TMPRSS9: variants seen among roughly 807,000 people sequenced by gnomAD.
TMPRSS9 encodes the protein transmembrane serine protease 9.
A neutral mutation model predicts 111.4 loss-of-function variants in TMPRSS9; 113 were observed. The ratio of observed to expected loss-of-function variants is 1.01; its 90% confidence interval spans 0.87 to 1.19. The LOEUF (loss-of-function observed/expected upper bound fraction) is 1.19, where lower values mean the gene tolerates loss of function less well. Ranked by LOEUF, TMPRSS9 falls within the 50% of genes most tolerant of loss-of-function variation. TMPRSS9 has a pLI of 0.00. For synonymous variants in TMPRSS9, 805 were observed against 659.1 expected, an observed-to-expected ratio of 1.22 and a Z score of -3.39; for missense variants, 1,803 against 1,513.1, an observed-to-expected ratio of 1.19 and a Z score of -3.18.
chr19:2,393,218 C>G (rs907021043), intron 1 of TMPRSS9, among the ~76,000 whole-genome samples: 2 of 152,162 alleles, frequency 1.3e-5, no homozygotes, highest in Non-Finnish European at 2.9e-5. Context: ...AGAAATCTTG[C>G]TGCTGCTCAC....
At chr19:2,406,260 C>G (rs951096646) in intron 7 of TMPRSS9, among the ~76,000 whole-genome samples, 14 of 146,738 alleles carry the variant, frequency 9.5e-5, no homozygotes, top group Middle Eastern at 3.9e-3. Context: ...CCTCGTGATC[C>G]GCCCACCTCG....
chr19:2,423,243 T>C (rs988041575), intron 14 of TMPRSS9, among the ~76,000 whole-genome samples: 3 of 151,756 alleles, frequency 2.0e-5, no homozygotes, highest in Non-Finnish European at 4.4e-5. Flanking sequence ...GCGTGGGATC[T>C]CTTTGGGCCC....
chr19:2,417,959 A>G, intron 12 of TMPRSS9, 43 bp from the exon 14 acceptor site: 1 of 1,609,742 alleles, frequency 6.2e-7, no homozygotes, highest in South Asian at 1.1e-5. Flanking sequence ...AGCTGCTCTG[A>G]TGATCACTGT....
At chr19:2,391,572 GTGTC>G (rs1419039841) in intron 1 of TMPRSS9, among the ~76,000 whole-genome samples, 1 of 143,584 alleles carries the variant, frequency 7.0e-6, no homozygotes, top group Non-Finnish European at 1.5e-5. Context: ...ATGCATGTGT[GTGTC>G]TGCGTGTGTA....
chr19:2,392,513 C>T (rs1414361481), intron 1 of TMPRSS9, among the ~76,000 whole-genome samples: 1 of 152,210 alleles, frequency 6.6e-6, no homozygotes, highest in East Asian at 1.9e-4. Flanking sequence ...TCCAGTTCAG[C>T]CTGGTAACAT....
chr19:2,360,597 C>T (rs1307582368), intron 1 of TMPRSS9, among the ~76,000 whole-genome samples: 1 of 151,562 alleles, frequency 6.6e-6, no homozygotes, highest in African/African-American at 2.4e-5. Flanking sequence ...GTAGATGCGG[C>T]CAGGGTTGTG....
rs1389177104 is a variant in TMPRSS9, at chr19:2,368,799, TTTA to T, written c.-26+8440_-26+8442del. 1.8e-3 allele frequency among the ~76,000 whole-genome samples: 230 copies of T among 129,100 alleles called. 26 individuals are homozygous for T. The highest frequency in any genetic ancestry group is 6.4e-3 in the East Asian group (29 of 4,536). 84.7% of individuals were successfully genotyped at this position (129,100 alleles called of 152,430 possible). A position where few individuals can be genotyped will look rare whatever the true frequency, so the allele number is the denominator to read the frequency against. On this transcript the variant is annotated intron_variant, in intron 1 of 17. Coordinates refer to the TMPRSS9 transcript ENST00000649857. ...GTTTTTTTTTTTTTTTTTTTTTTTT[TTTA>T]AAGACAGAGTCTCACTCTGTCGCCC... is the stretch of plus-strand genomic sequence containing the variant.
At position 2,367,561 on chromosome 19, in the gene TMPRSS9, ATTTTT is replaced by A. The variant is rs35468320; in HGVS notation, c.-26+7217_-26+7221del. Among the ~76,000 whole-genome samples the A allele has an allele frequency of 9.8e-4, 127 of 129,584 alleles. 1 individual carries two copies. The highest frequency in any genetic ancestry group is 9.1e-3 in the East Asian group (40 of 4,412). The allele number at this position is 129,584 out of a possible 152,430, so 85.0% of individuals were successfully genotyped here. On this transcript the variant is annotated intron_variant, in intron 1 of 17. Coordinates refer to the TMPRSS9 transcript ENST00000649857. ...AGGTGTGCACCACCATGACTGGCTA[ATTTTT>A]TTTTTTTTTTTTTTTGAGAGGGAGT...
intron 2 of TMPRSS9, among the ~76,000 whole-genome samples, chr19:2,398,320 T>A (rs1299948552): frequency 1.4e-5 from 2 of 145,474 alleles, no homozygotes; most frequent in African/African-American, 5.1e-5. Flanking sequence ...AATAAAAAAT[T>A]TAAAAATAAA....
chr19:2,415,426 G>A (rs936973489), intron 10 of TMPRSS9, among the ~76,000 whole-genome samples: 4 of 152,062 alleles, frequency 2.6e-5, no homozygotes, highest in African/African-American at 4.8e-5. Context: ...GGGGGTCCTC[G>A]GGCTGACTGG....
intron 1 of TMPRSS9, among the ~76,000 whole-genome samples, chr19:2,393,623 G>A (rs1970645767): frequency 6.6e-6 from 1 of 152,150 alleles, no homozygotes; most frequent in Admixed American, 6.6e-5. Flanking sequence ...GCCAGGGCCA[G>A]GCATAGTAGC....
intron 1 of TMPRSS9, among the ~76,000 whole-genome samples, chr19:2,390,740 C>A (rs1970571970): frequency 6.6e-6 from 1 of 151,854 alleles, no homozygotes; most frequent in African/African-American, 2.4e-5. Flanking sequence ...GCAGTCCCAG[C>A]TACTCAGGAG....
At chr19:2,374,402 G>T (rs530514279) in intron 1 of TMPRSS9, among the ~76,000 whole-genome samples, 1 of 150,934 alleles carries the variant, frequency 6.6e-6, no homozygotes, top group South Asian at 2.1e-4. Context: ...GTGAAACCCC[G>T]TCTCTACTAA....
chr19:2,365,494 A>G (rs1970240719), intron 1 of TMPRSS9, among the ~76,000 whole-genome samples: 1 of 152,164 alleles, frequency 6.6e-6, no homozygotes. Context: ...TGGCGTAGAC[A>G]ACAGCTGTCT....
At chr19:2,385,155 GCGGAGGGCGGGGC>G (rs1214856718), upstream of TMPRSS9, among the ~76,000 whole-genome samples, 1 of 126,522 alleles carries the variant, frequency 7.9e-6, no homozygotes, top group African/African-American at 4.8e-5. Flanking sequence ...GGCGGAGCTC[GCGGAGGGCGGGGC>G]TCGCGGGGGG....
chr19:2,374,237 C>A (rs1970312182), intron 1 of TMPRSS9, among the ~76,000 whole-genome samples: 3 of 120,744 alleles, frequency 2.5e-5, no homozygotes, highest in African/African-American at 6.0e-5. Context: ...ATGCTGATTT[C>A]TCTCAACAAT....
At chr19:2,421,142 G>A (rs1971454323) in intron 13 of TMPRSS9, among the ~76,000 whole-genome samples, 2 of 151,846 alleles carry the variant, frequency 1.3e-5, no homozygotes, top group Admixed American at 1.3e-4. Context: ...GGAGGTGGAG[G>A]TTGCAGTGAG....
chr19:2,403,067 C>T lies in TMPRSS9; in HGVS notation c.557-15C>T, dbSNP rs577612474. The T allele has an allele frequency of 4.0e-5, 64 of 1,595,082 alleles. No individual in the cohort carries two copies. Among genetic ancestry groups the T allele is most frequent in the Non-Finnish European group, 5.0e-5 (58 of 1,170,898 alleles). On this transcript the variant is annotated splice_polypyrimidine_tract_variant and intron_variant, in intron 5 of 17. Coordinates refer to ENST00000648592, the Ensembl canonical transcript of TMPRSS9. ...GTAGCATGAGGTCAGAAAGTCGGTTCTTTTCTGTCCTCAGGCCGCTGTCCA... is the reference window on the plus strand; with the variant it reads ...GTAGCATGAGGTCAGAAAGTCGGTTTTTTTCTGTCCTCAGGCCGCTGTCCA...
chr19:2,415,322 C>G (rs115981679), intron 10 of TMPRSS9, among the ~76,000 whole-genome samples: 2 of 152,106 alleles, frequency 1.3e-5, no homozygotes, highest in African/African-American at 4.8e-5. Context: ...TTTTCTCAGC[C>G]GCCCCATGGG....
Sources: allele counts gnomAD v4.1 joint callset (sites outside exome capture counted in the v4.1 genomes callset), GRCh38; gene constraint gnomAD v4.1.1; transcripts MANE v1.5; gene names NCBI Gene and HGNC (gene_info 2026-07-23, HGNC 2026-07-21).